The following COL2A1 variants were observed in gnomAD, a reference collection of about 807,000 sequenced individuals.
The protein encoded by COL2A1 is collagen alpha-1(II) chain.
A neutral mutation model predicts 204.5 loss-of-function variants in COL2A1; 28 were observed. The ratio of observed to expected loss-of-function variants is 0.14; its 90% confidence interval spans 0.10 to 0.19. The LOEUF (loss-of-function observed/expected upper bound fraction) is 0.19, where lower values mean the gene tolerates loss of function less well. Among genes scored for constraint, COL2A1 ranks in the 10% least tolerant of loss-of-function variants. COL2A1 has a pLI of 1.00. For synonymous variants in COL2A1, 708 were observed against 718.7 expected, an observed-to-expected ratio of 0.99 and a Z score of 0.24; for missense variants, 1,388 against 2,027.5, an observed-to-expected ratio of 0.68 and a Z score of 6.06.
Position 47,978,328 on chromosome 12 carries a change from C to T in COL2A1, c.2966G>A (p.Arg989His), listed in dbSNP as rs756155678. The T allele has an allele frequency of 3.7e-6, 6 of 1,614,066 alleles. No homozygotes were observed. The highest frequency in any genetic ancestry group is 2.2e-5 in the East Asian group (1 of 44,878). Reference protein sequence around the residue: ...QRGIVGLPGQRGERGFPGLPG... With the variant: ...QRGIVGLPGQHGERGFPGLPG... ...CAAGCCAGGGAATCCTCTCTCACCA[C>T]GTTGCCCAGGCAGACCGACGATGCC... is the stretch of plus-strand genomic sequence containing the variant. The change falls in exon 43 of 54, where the codon CGT becomes CAT. Residue 989 changes from arginine (R) to histidine (H), a missense_variant. This residue lies in a region of COL2A1 where 884 missense variants were observed against 1,415.8 expected (regional missense o/e 0.62). Coordinates refer to ENST00000380518, the MANE Select transcript of COL2A1 (RefSeq NM_001844.5). The surrounding 1 kb of genome is among the most constrained non-coding windows in gnomAD (Gnocchi z 5.5).
At chr12:47,985,880 G>A in intron 24 of COL2A1, 32 bp downstream of exon 24, 4 of 1,565,700 alleles carry the variant, frequency 2.6e-6, no homozygotes, top group Admixed American at 1.9e-5. Context: ...AGCGATGCAG[G>A]GAGGGACCCC....
chr12:47,977,915 G>A (rs1217123276), intron 44 of COL2A1, 95 bp downstream of exon 44: 49 of 1,215,428 alleles, frequency 4.0e-5, no homozygotes, highest in Non-Finnish European at 5.6e-5. Context: ...CCTTCTCCAG[G>A]GCCCTGACTG....
At chr12:48,004,956 G>A (rs1020502931), upstream of COL2A1, among the ~76,000 whole-genome samples, 44 of 152,252 alleles carry the variant, frequency 2.9e-4, no homozygotes, top group African/African-American at 1.0e-3. Flanking sequence ...GCGTTTGGGA[G>A]TGGGGACAGG....
intron 1 of COL2A1, among the ~76,000 whole-genome samples, chr12:48,000,794 A>G (rs1940199956): frequency 1.3e-5 from 2 of 152,198 alleles, no homozygotes; most frequent in Admixed American, 1.3e-4. Flanking sequence ...TAGAATTAGG[A>G]CCAATTTGGG....
In COL2A1 at chr12:47,978,245, C is replaced by G. The variant is rs1405502155; in HGVS notation, c.3003+46G>C. ...GTGCTGAGGGAGGTAGAAGCCTTGG[C>G]AGGCAGGGCCCAGCTTGGATGGAGG... On this transcript the variant is annotated intron_variant, in intron 43 of 53. Coordinates refer to ENST00000380518, the MANE Select transcript of COL2A1 (RefSeq NM_001844.5). The surrounding 1 kb of genome is among the most constrained non-coding windows in gnomAD (Gnocchi z 5.5). 7 of 1,604,514 alleles carry G rather than the reference C, an allele frequency of 4.4e-6. No individual in the cohort carries two copies. In the Admixed American group the frequency reaches 1.2e-4, roughly 27 times the overall value.
At chr12:47,974,528 A>G in intron 52 of COL2A1, 147 bp downstream of exon 52, 1 of 1,250,340 alleles carries the variant, frequency 8.0e-7, no homozygotes, top group Middle Eastern at 2.4e-4. Flanking sequence ...TGGGGAAAAA[A>G]TACTTTTCCT....
chr12:47,976,801 G>A lies in COL2A1; in HGVS notation c.3435+11C>T. 6.2e-7 allele frequency: 1 copy of A among 1,609,570 alleles called. No homozygotes were observed. The highest frequency in any genetic ancestry group is 8.5e-7 in the Non-Finnish European group (1 of 1,177,298). ...GGCCTCGGGAAGTCCCACGCAGGCA[G>A]TGACACTCACAGGAGGGCCGGGCAG... On this transcript the variant is annotated intron_variant, in intron 48 of 53. Coordinates refer to ENST00000380518, the MANE Select transcript of COL2A1 (RefSeq NM_001844.5). The surrounding 1 kb of genome is among the most constrained non-coding windows in gnomAD (Gnocchi z 4.3).
At position 47,986,952 on chromosome 12, in the gene COL2A1, C is replaced by A. The variant is rs544472245; in HGVS notation, c.1366-64G>T. 2.4e-5 allele frequency: 39 copies of A among 1,607,380 alleles called. No individual in the cohort carries two copies. In the East Asian group the frequency reaches 7.8e-4, roughly 32 times the overall value. On this transcript the variant is annotated intron_variant, in intron 21 of 53. Transcript: ENST00000380518. ...CAGGGAGCCTGCCCCTCCCCAGAAC[C>A]CCTGTTCAAGATGCCCTCGGATGGA...
At position 47,975,376 on chromosome 12, in the gene COL2A1, C is replaced by T. The variant is rs142168567; in HGVS notation, c.3827G>A (p.Arg1276His). ...TCTGCAGGTGCGAGCAGGGTTCTTGCGGGAGCCCTCGGGGCTGCGGATGCT... is the reference window on the plus strand; with the variant it reads ...TCTGCAGGTGCGAGCAGGGTTCTTGTGGGAGCCCTCGGGGCTGCGGATGCT... ...IESIRSPEGS[R>H]KNPARTCRDL... Residue 1276 changes from arginine (R) to histidine (H), a missense_variant, in exon 51 of 54, where the codon CGC becomes CAC. This residue lies in a region of COL2A1 where 303 missense variants were observed against 369.2 expected (regional missense o/e 0.82). Transcript: ENST00000380518. The T allele has an allele frequency of 4.6e-5, 74 of 1,614,044 alleles. No homozygotes were observed. In the African/African-American group the frequency reaches 5.6e-4, roughly 12 times the overall value.
At position 47,978,710 on chromosome 12, in the gene COL2A1, G is replaced by A. The variant is rs757198490; in HGVS notation, c.2782C>T (p.Pro928Ser). 1.2e-6 allele frequency: 2 copies of A among 1,613,194 alleles called. No homozygotes were observed. The highest frequency in any genetic ancestry group is 2.2e-5 in the South Asian group (2 of 91,080). ...CCGCTGTCTCCTCGAGCACCTTTGG[G>A]ACCATCTTTTCCAGAAGGACCAGGG... ...GPPGPSGKDG[P>S]KGARGDSGPP... Residue 928 changes from proline (P) to serine (S), a missense_variant, in exon 42 of 54, where the codon CCC becomes TCC. Coordinates refer to ENST00000380518, the MANE Select transcript of COL2A1 (RefSeq NM_001844.5). The surrounding 1 kb of genome is among the most constrained non-coding windows in gnomAD (Gnocchi z 5.5).
chr12:47,977,096 A>G lies in COL2A1; in HGVS notation c.3327+6T>C, dbSNP rs1288628833. ...GGGACTCAGTGCAGGACACTTGGATACTCACCTGGATTCCCCGGGCTCCAG... is the reference window on the plus strand; with the variant it reads ...GGGACTCAGTGCAGGACACTTGGATGCTCACCTGGATTCCCCGGGCTCCAG... On this transcript the variant is annotated splice_donor_region_variant and intron_variant, in intron 47 of 53. Coordinates refer to ENST00000380518, the MANE Select transcript of COL2A1 (RefSeq NM_001844.5). 1.2e-6 allele frequency: 2 copies of G among 1,603,424 alleles called. No individual in the cohort carries two copies. The highest frequency in any genetic ancestry group is 2.7e-5 in the African/African-American group (2 of 74,788).
At chr12:47,998,375 C>T (rs770402179) in intron 3 of COL2A1, 40 bp downstream of exon 3, 2 of 1,568,992 alleles carry the variant, frequency 1.3e-6, no homozygotes, top group South Asian at 2.3e-5. Flanking sequence ...AAATATAAAG[C>T]CAAAAAAATA....
chr12:47,989,836 G>C, intron 16 of COL2A1, 31 bp from the exon 17 acceptor site: 1 of 1,609,120 alleles, frequency 6.2e-7, no homozygotes, highest in South Asian at 1.1e-5. Context: ...ACCATGAGAG[G>C]TGCCCACAGG....
At chr12:48,005,438 C>G (rs1341593597), upstream of COL2A1, 1 of 152,246 alleles carries the variant, frequency 6.6e-6, no homozygotes. Context: ...CAGCTTTGGC[C>G]AGGGACGGTT....
rs777615798 is a variant in COL2A1, at chr12:47,978,686, C to T, written c.2806G>A (p.Gly936Ser). 3 of 1,613,244 alleles carry T rather than the reference C, an allele frequency of 1.9e-6. No homozygotes were observed. Among genetic ancestry groups the T allele is most frequent in the South Asian group, 1.1e-5 (1 of 91,086 alleles). ...DGPKGARGDSGPPGRAGEPGL... is the reference protein window; with the variant it reads ...DGPKGARGDSSPPGRAGEPGL... Reference sequence around the variant, plus strand: ...GGTTCACCAGCTCGGCCAGGGGGGCCGCTGTCTCCTCGAGCACCTTTGGGA... The same window carrying T: ...GGTTCACCAGCTCGGCCAGGGGGGCTGCTGTCTCCTCGAGCACCTTTGGGA... Residue 936 changes from glycine (G) to serine (S), a missense_variant, in exon 42 of 54, where the codon GGC (glycine) becomes AGC (serine). Around this residue, in one of 3 missense-constraint regions of COL2A1, gnomAD observed 884 missense variants for 1,415.8 expected, o/e 0.62. Coordinates refer to ENST00000380518, the MANE Select transcript of COL2A1 (RefSeq NM_001844.5). This position sits in a 1 kb window ranked among gnomAD's most constrained non-coding sequence, Gnocchi z 5.5.
intron 7 of COL2A1, among the ~76,000 whole-genome samples, chr12:47,996,974 CT>C (rs1939994228): frequency 6.6e-6 from 1 of 152,126 alleles, no homozygotes; most frequent in Non-Finnish European, 1.5e-5. Context: ...GTTCTTTATT[CT>C]TTAAGACTTT....
At chr12:47,993,684 T>C in intron 14 of COL2A1, 125 bp downstream of exon 14, 1 of 1,205,746 alleles carries the variant, frequency 8.3e-7, no homozygotes, top group South Asian at 1.2e-5. Context: ...GTAGGGCTGG[T>C]GTTCCCAGCC....
rs958614345 is a variant in COL2A1 at position 47,997,626 on chromosome 12, C to A, written c.511G>T (p.Gly171Cys). The A allele has an allele frequency of 1.9e-6, 3 of 1,613,602 alleles. No individual in the cohort carries two copies. The highest frequency in any genetic ancestry group is 1.3e-5 in the African/African-American group (1 of 74,850). The stretch of plus-strand genomic sequence containing the variant: ...CTTACTCCACCAAGACCAGGGGGAC[C>A]AGGGGGGCCGGGAGGACCAGGGGGG... Reference protein sequence around the residue: ...PGPPGPPGPPGPPGLGGNFAA... With the variant: ...PGPPGPPGPPCPPGLGGNFAA... Residue 171 changes from glycine (G) to cysteine (C), a missense_variant, in exon 7 of 54, where the codon GGT (glycine) becomes TGT (cysteine). By Grantham distance (159) the Gly-to-Cys change is radical. Coordinates refer to ENST00000380518, the MANE Select transcript of COL2A1 (RefSeq NM_001844.5).
chr12:47,992,164 T>C (rs1939738317), intron 16 of COL2A1, among the ~76,000 whole-genome samples: 1 of 152,142 alleles, frequency 6.6e-6, no homozygotes, highest in African/African-American at 2.4e-5. Flanking sequence ...TGCTAAGGAA[T>C]CAGAGCTAAA....
Sources: allele counts gnomAD v4.1 joint callset (sites outside exome capture counted in the v4.1 genomes callset), GRCh38; gene constraint gnomAD v4.1.1; regional missense constraint gnomAD v4.1.1; non-coding constraint Gnocchi (gnomAD v3.1); transcripts MANE v1.5; gene names NCBI Gene and HGNC (gene_info 2026-07-23, HGNC 2026-07-21).